Variants in SCGB2A2 observed in about 807,000 individuals in gnomAD.
The protein encoded by SCGB2A2 is secretoglobin family 2A member 2.
SCGB2A2 carries 11 observed loss-of-function variants against 8.8 expected under a neutral mutation model. That is an observed-to-expected ratio of 1.25 (90% confidence interval 0.79 to 2.07). The LOEUF is 2.07. SCGB2A2 is among the 30% of genes most tolerant of loss of function. The probability of loss-of-function intolerance (pLI) is 0.00; values close to 1 mark genes in which losing one functional copy is unlikely to be tolerated. For missense variants in SCGB2A2, 113 were observed against 109.9 expected (o/e 1.03, Z -0.13); for synonymous variants, 42 against 40.9 (o/e 1.03, Z -0.10).
chr11:62,271,540 T>A (rs1590673606), intron 2 of SCGB2A2: 7 of 1,118,180 alleles, frequency 6.3e-6, no homozygotes, highest in Non-Finnish European at 7.7e-6. Context: ...CACACAATCA[T>A]CCAGACACAA....
At chr11:62,271,214 C>T in intron 2 of SCGB2A2, 146 bp downstream of exon 2, 1 of 1,534,602 alleles carries the variant, frequency 6.5e-7, no homozygotes, top group South Asian at 1.2e-5. Flanking sequence ...AGTCTAATGA[C>T]TTTGCCATCA....
rs903983886 is a variant in SCGB2A2, at chr11:62,270,159, CAG to C, written c.-57_-56del. The C allele has an allele frequency of 1.0e-5, 16 of 1,552,754 alleles. No homozygotes were observed. In the African/African-American group the frequency reaches 2.0e-4, roughly 20 times the overall value. ...GAGCAAGGCTGGGTGCTCACCTCCA[CAG>C]CGGCTTCCTTGATCCTTGCCACCCG... is the stretch of plus-strand genomic sequence containing the variant. On this transcript the variant is annotated 5_prime_UTR_variant, in exon 1 of 3. Coordinates refer to ENST00000227918, the MANE Select transcript of SCGB2A2 (RefSeq NM_002411.4).
Position 62,270,972 on chromosome 11 carries a change from C to A in SCGB2A2, c.147C>A (p.Phe49Leu). The A allele has an allele frequency of 6.2e-7, 1 of 1,614,080 alleles. No homozygotes were observed. Among genetic ancestry groups the A allele is most frequent in the Non-Finnish European group, 8.5e-7 (1 of 1,179,926 alleles). ...AATACAAAGAACTTCTTCAAGAGTTCATAGACGACAATGCCACTACAAATG... is the reference window on the plus strand; with the variant it reads ...AATACAAAGAACTTCTTCAAGAGTTAATAGACGACAATGCCACTACAAATG... ...KTEYKELLQE[F>L]IDDNATTNAI... Residue 49 changes from phenylalanine to leucine, a missense_variant, in exon 2 of 3, where the codon TTC (phenylalanine) becomes TTA (leucine). Phe to Leu is a conservative substitution (Grantham distance 22). Coordinates refer to ENST00000227918, the MANE Select transcript of SCGB2A2 (RefSeq NM_002411.4).
intron 2 of SCGB2A2, 24 bp from the exon 3 acceptor site, chr11:62,272,933 G>T: frequency 6.4e-7 from 1 of 1,566,652 alleles, no homozygotes; most frequent in South Asian, 1.2e-5. Context: ...AAATCTAAGT[G>T]ATGTCTCTGT....
chr11:62,272,948 G>A lies in SCGB2A2; in HGVS notation c.244-9G>A, dbSNP rs572143030. 6.3e-7 allele frequency: 1 copy of A among 1,592,214 alleles called. No individual in the cohort carries two copies. Among genetic ancestry groups the A allele is most frequent in the South Asian group, 1.2e-5 (1 of 86,666 alleles). ...AAATCTAAGTGATGTCTCTGTTTTT[G>A]CTTTCTAGCAATTAATATATGACAG... is the stretch of plus-strand genomic sequence containing the variant. On this transcript the variant is annotated splice_polypyrimidine_tract_variant and intron_variant, in intron 2 of 2. Coordinates refer to ENST00000227918, the MANE Select transcript of SCGB2A2 (RefSeq NM_002411.4).
Position 62,270,974 on chromosome 11 carries a change from T to G in SCGB2A2, c.149T>G (p.Ile50Arg). The G allele has an allele frequency of 6.2e-7, 1 of 1,614,150 alleles. No individual in the cohort carries two copies. Among genetic ancestry groups the G allele is most frequent in the Non-Finnish European group, 8.5e-7 (1 of 1,179,946 alleles). ...TEYKELLQEF[I>R]DDNATTNAID... ...TACAAAGAACTTCTTCAAGAGTTCA[T>G]AGACGACAATGCCACTACAAATGCC... Residue 50 changes from isoleucine to arginine, a missense_variant, in exon 2 of 3, where the codon ATA becomes AGA. By Grantham distance (97) the Ile-to-Arg change is moderately conservative (BLOSUM62 -3). Transcript: ENST00000227918.
chr11:62,271,621 A>G (rs1945279855), intron 2 of SCGB2A2: 1 of 1,014,542 alleles, frequency 9.9e-7, no homozygotes, highest in Non-Finnish European at 1.2e-6. Context: ...TCAGACACAC[A>G]CATACAAACA....
intron 2 of SCGB2A2, among the ~76,000 whole-genome samples, chr11:62,272,585 G>A (rs998991637): frequency 4.6e-4 from 70 of 151,546 alleles, no homozygotes; most frequent in African/African-American, 1.6e-3. Context: ...AGAGGGCGTC[G>A]GACTGCTGGG....
chr11:62,271,725 A>G lies in SCGB2A2; in HGVS notation c.243+657A>G, dbSNP rs187280329. 104 of 986,216 alleles carry G rather than the reference A, an allele frequency of 1.1e-4. 1 individual carries two copies. In the African/African-American group the frequency reaches 1.7e-3, roughly 16 times the overall value. The allele number at this position is 986,216 out of a possible 1,614,324, so 61.1% of individuals were successfully genotyped here. On this transcript the variant is annotated intron_variant, in intron 2 of 2. Coordinates refer to ENST00000227918, the MANE Select transcript of SCGB2A2 (RefSeq NM_002411.4). ...AACTTCTCTTCTTCAAAAAAAAGTA[A>G]AAGTGTTCTTTCTTAAAAAATGCCC...
At chr11:62,272,486 G>A (rs117058176) in intron 2 of SCGB2A2, among the ~76,000 whole-genome samples, 2 of 152,222 alleles carry the variant, frequency 1.3e-5, no homozygotes, top group East Asian at 1.9e-4. Flanking sequence ...CAACTGCAGG[G>A]AAGGGTGATG....
chr11:62,272,647 CTTTTT>C (rs71886885), intron 2 of SCGB2A2, among the ~76,000 whole-genome samples: 1 of 94,462 alleles, frequency 1.1e-5, no homozygotes, highest in Non-Finnish European at 2.0e-5. Flanking sequence ...CAAAGTTTCA[CTTTTT>C]TTTTTTTTTT....
rs376092456 is a variant in SCGB2A2, at chr11:62,271,068, G to A, written c.243G>A (p.Met81Ile). The A allele has an allele frequency of 1.4e-5, 23 of 1,614,152 alleles. No individual in the cohort carries two copies. The highest frequency in any genetic ancestry group is 1.2e-4 in the African/African-American group (9 of 75,048). Reference sequence around the variant, plus strand: ...CTCTGAGCAATGTTGAGGTGTTTATGGTAATTTCATTTTCTTCCTATAAGC... The same window carrying A: ...CTCTGAGCAATGTTGAGGTGTTTATAGTAATTTCATTTTCTTCCTATAAGC... ...DETLSNVEVF[M>I]QLIYDSSLCD... Residue 81 changes from methionine (M) to isoleucine (I), a missense_variant and splice_region_variant, in exon 2 of 3, where the codon ATG (methionine) becomes ATA (isoleucine). By Grantham distance (10) the Met-to-Ile change is conservative. Transcript: ENST00000227918.
Position 62,273,065 on chromosome 11 carries a change from C to A in SCGB2A2, c.*70C>A. 9.5e-7 allele frequency: 1 copy of A among 1,058,124 alleles called. No homozygotes were observed. The highest frequency in any genetic ancestry group is 1.4e-6 in the Non-Finnish European group (1 of 706,316). The allele number at this position is 1,058,124 out of a possible 1,614,324, so 65.5% of individuals were successfully genotyped here. A position where few individuals can be genotyped will look rare whatever the true frequency, so the allele number is the denominator to read the frequency against. On this transcript the variant is annotated 3_prime_UTR_variant, in exon 3 of 3. Transcript: ENST00000227918. ...GAAACCAACTACGGATTGCTGCAAA[C>A]CACACCTTCTCTTTCTTATGTCTTT...
At chr11:62,272,521 C>T (rs1329041858) in intron 2 of SCGB2A2, among the ~76,000 whole-genome samples, 1 of 152,092 alleles carries the variant, frequency 6.6e-6, no homozygotes, top group Non-Finnish European at 1.5e-5. Context: ...AAAGCTTCCT[C>T]AGACAGATCA....
chr11:62,271,883 G>A (rs1590673733), intron 2 of SCGB2A2: 2 of 984,784 alleles, frequency 2.0e-6, no homozygotes, highest in East Asian at 1.1e-4. Flanking sequence ...CTATCCAATA[G>A]GCAACTGTAG....
intron 2 of SCGB2A2, chr11:62,271,723 TAA>T (rs1399491515): frequency 5.6e-5 from 55 of 986,168 alleles, no homozygotes; most frequent in Non-Finnish European, 6.6e-5. Context: ...CAAAAAAAAG[TAA>T]AAGTGTTCTT....
In SCGB2A2 at chr11:62,272,960, T is replaced by C; in HGVS notation, c.247T>C (p.Leu83=). 6.2e-7 allele frequency: 1 copy of C among 1,604,488 alleles called. No homozygotes were observed. The highest frequency in any genetic ancestry group is 8.5e-7 in the Non-Finnish European group (1 of 1,175,374). ...TLSNVEVFMQ[L]IYDSSLCDLF is the part of the protein sequence containing the mutation. The stretch of plus-strand genomic sequence containing the variant: ...TGTCTCTGTTTTTGCTTTCTAGCAA[T>C]TAATATATGACAGCAGTCTTTGTGA... Residue 83 remains leucine (L), a synonymous_variant, in exon 3 of 3, where the codon TTA becomes CTA. Coordinates refer to ENST00000227918, the MANE Select transcript of SCGB2A2 (RefSeq NM_002411.4).
intron 1 of SCGB2A2, 42 bp from the exon 2 acceptor site, chr11:62,270,839 T>G: frequency 6.5e-7 from 1 of 1,538,002 alleles, no homozygotes; most frequent in Non-Finnish European, 9.0e-7. Flanking sequence ...AAGCCTTTCA[T>G]GCCTTCTGTA....
intron 2 of SCGB2A2, 23 bp downstream of exon 2, chr11:62,271,091 A>T (rs1010865158): frequency 3.7e-6 from 6 of 1,613,828 alleles, no homozygotes; most frequent in Non-Finnish European, 5.1e-6. Flanking sequence ...TCTTCCTATA[A>T]GCTTTTTAAA....
Sources: allele counts gnomAD v4.1 joint callset (sites outside exome capture counted in the v4.1 genomes callset), GRCh38; gene constraint gnomAD v4.1.1; transcripts MANE v1.5; gene names NCBI Gene and HGNC (gene_info 2026-07-23, HGNC 2026-07-21).